COL14A1: variants seen among roughly 807,000 people sequenced by gnomAD.
COL14A1 encodes the protein collagen alpha-1(XIV) chain.
COL14A1 carries 136 observed loss-of-function variants against 230.3 expected under a neutral mutation model. The observed-to-expected ratio is 0.59, with a 90% CI of 0.51 to 0.68. COL14A1 has a LOEUF of 0.68. COL14A1 is among the 30% of genes least tolerant of loss of function. The pLI is 0.00. For synonymous variants in COL14A1, 792 were observed against 784.1 expected (o/e 1.01, Z -0.17); for missense variants, 1,976 against 2,215.8 (o/e 0.89, Z 2.17).
chr8:120,314,976 A>G (rs1821165498), intron 38 of COL14A1, among the ~76,000 whole-genome samples: 1 of 152,260 alleles, frequency 6.6e-6, no homozygotes, highest in Admixed American at 6.5e-5. Flanking sequence ...TGGCCTTGCC[A>G]TATTAGACTG....
rs1373904579 is a variant in COL14A1 at position 120,216,441 on chromosome 8, A to G, written c.1688A>G (p.Asn563Ser). ...TGGGACCCAACTTCAAGACAGATCA[A>G]TGGTTATCGAATTGTATATAACAAT... Reference protein sequence around the residue: ...LTWDPTSRQINGYRIVYNNAD... With the variant: ...LTWDPTSRQISGYRIVYNNAD... The change falls in exon 14 of 48, where the codon AAT becomes AGT. Residue 563 changes from asparagine to serine, a missense_variant. Asn to Ser is a conservative substitution (Grantham distance 46). Around this residue, in one of 3 missense-constraint regions of COL14A1, gnomAD observed 1,791 missense variants for 2,019.5 expected, o/e 0.89. Coordinates refer to ENST00000297848, the MANE Select transcript of COL14A1 (RefSeq NM_021110.4). 6.2e-7 allele frequency: 1 copy of G among 1,613,876 alleles called. No individual in the cohort carries two copies. The highest frequency in any genetic ancestry group is 8.5e-7 in the Non-Finnish European group (1 of 1,179,826).
chr8:120,209,681 T>A, intron 11 of COL14A1, 75 bp from the exon 12 acceptor site: 2 of 1,433,158 alleles, frequency 1.4e-6, no homozygotes, highest in African/African-American at 1.4e-5. Flanking sequence ...TGGTCAATCT[T>A]ATTTCTTGAT....
At chr8:120,167,541 G>A (rs1815947249) in intron 4 of COL14A1, among the ~76,000 whole-genome samples, 1 of 152,146 alleles carries the variant, frequency 6.6e-6, no homozygotes. Context: ...AATGGTGTAG[G>A]TTGATATGAA....
chr8:120,131,881 C>T (rs542114913), intron 1 of COL14A1, among the ~76,000 whole-genome samples: 1 of 107,814 alleles, frequency 9.3e-6, no homozygotes, highest in East Asian at 3.2e-4. Flanking sequence ...GAGTCTTGCT[C>T]TGTCACCAAG....
intron 40 of COL14A1, among the ~76,000 whole-genome samples, chr8:120,330,899 A>G (rs2130202482): frequency 6.6e-6 from 1 of 152,254 alleles, no homozygotes; most frequent in Admixed American, 6.5e-5. Context: ...TGAGGTTGGG[A>G]GTTCGAGACG....
intron 45 of COL14A1, among the ~76,000 whole-genome samples, chr8:120,348,678 A>G (rs1822627692): frequency 6.6e-6 from 1 of 152,174 alleles, no homozygotes; most frequent in South Asian, 2.1e-4. Flanking sequence ...ACCTATGGAA[A>G]AAAATTTTGT....
chr8:120,371,018 C>T (rs989012584), intron 47 of COL14A1, 134 bp from the exon 48 acceptor site: 18 of 1,022,776 alleles, frequency 1.8e-5, no homozygotes, highest in Middle Eastern at 2.3e-4. Context: ...GTACAAGGGG[C>T]GTGGTGGATT....
At chr8:120,275,227 A>G (rs150607076) in intron 26 of COL14A1, among the ~76,000 whole-genome samples, 125 of 152,152 alleles carry the variant, frequency 8.2e-4, no homozygotes, top group African/African-American at 2.4e-3. Context: ...AAAACATTCA[A>G]AAACATAAAT....
intron 4 of COL14A1, among the ~76,000 whole-genome samples, chr8:120,163,246 G>A (rs1180963367): frequency 2.0e-5 from 3 of 152,180 alleles, no homozygotes; most frequent in African/African-American, 7.2e-5. Context: ...AGTACATATA[G>A]GACTCTGTGA....
intron 22 of COL14A1, among the ~76,000 whole-genome samples, chr8:120,254,820 A>AT (rs1491223139): frequency 9.7e-6 from 1 of 103,380 alleles, no homozygotes; most frequent in East Asian, 4.6e-4. Context: ...CACTGCCTCT[A>AT]CAAAAAAAAA....
At chr8:120,232,928 T>C (rs1267707339) in intron 19 of COL14A1, among the ~76,000 whole-genome samples, 1 of 152,214 alleles carries the variant, frequency 6.6e-6, no homozygotes, top group Non-Finnish European at 1.5e-5. Context: ...CTAGCATCTG[T>C]TGTTTCCTGA....
At chr8:120,333,924 C>A (rs1445433528) in intron 42 of COL14A1, among the ~76,000 whole-genome samples, 1 of 152,178 alleles carries the variant, frequency 6.6e-6, no homozygotes, top group Non-Finnish European at 1.5e-5. Context: ...TACATTCAGG[C>A]CACTGGGATA....
rs111874684 is a variant in COL14A1 at position 120,187,168 on chromosome 8, A to G, written c.437-9623A>G. ...CTTTATCTAAAAATGCATTGTAAAC[A>G]TTTCATTATATAAACCATAATTGGG... is the stretch of plus-strand genomic sequence containing the variant. On this transcript the variant is annotated intron_variant, in intron 5 of 47. Transcript: ENST00000297848. Among the ~76,000 whole-genome samples the G allele has an allele frequency of 9.4e-3, 1,438 of 152,312 alleles. 27 individuals are homozygous for G. The highest frequency in any genetic ancestry group is 0.033 in the African/African-American group (1,384 of 41,560).
intron 31 of COL14A1, among the ~76,000 whole-genome samples, chr8:120,283,305 A>G (rs1297438084): frequency 6.6e-6 from 1 of 152,224 alleles, no homozygotes; most frequent in East Asian, 1.9e-4. Context: ...TGACACTACT[A>G]AAATGTTCAG....
chr8:120,275,032 C>A (rs1490804231), intron 26 of COL14A1, among the ~76,000 whole-genome samples: 1 of 151,670 alleles, frequency 6.6e-6, no homozygotes, highest in Non-Finnish European at 1.5e-5. Flanking sequence ...CCCAAATAGC[C>A]AAAGCACTCC....
chr8:120,334,422 A>T (rs575195883), intron 42 of COL14A1, among the ~76,000 whole-genome samples: 22 of 152,262 alleles, frequency 1.4e-4, no homozygotes, highest in African/African-American at 4.8e-4. Context: ...TTCTTTTTAT[A>T]TCAACCTAGT....
chr8:120,266,040 C>T (rs1024550076), intron 24 of COL14A1, among the ~76,000 whole-genome samples: 2 of 151,786 alleles, frequency 1.3e-5, no homozygotes, highest in African/African-American at 2.4e-5. Flanking sequence ...ACTGGGATAG[C>T]GAGAAGAATT....
In COL14A1 at chr8:120,160,792, A is replaced by G. The variant is rs150276465; in HGVS notation, c.206-1634A>G. ...GCCAGCCTTTCTGAAAGCATGTTCC[A>G]TGGTATTCTGTAGGATGCTAATAGC... is the stretch of plus-strand genomic sequence containing the variant. On this transcript the variant is annotated intron_variant, in intron 3 of 47. Transcript: ENST00000297848. Among the ~76,000 whole-genome samples, 10 of 152,318 alleles carry G rather than the reference A, an allele frequency of 6.6e-5. No homozygotes were observed. In the East Asian group the frequency reaches 1.9e-3, roughly 29 times the overall value.
chr8:120,307,612 A>G (rs1413261568), intron 36 of COL14A1, among the ~76,000 whole-genome samples: 1 of 152,238 alleles, frequency 6.6e-6, no homozygotes, highest in Non-Finnish European at 1.5e-5. Context: ...AGTAAAGTAT[A>G]TAAATAGACA....
Sources: allele counts gnomAD v4.1 joint callset (sites outside exome capture counted in the v4.1 genomes callset), GRCh38; gene constraint gnomAD v4.1.1; regional missense constraint gnomAD v4.1.1; transcripts MANE v1.5; gene names NCBI Gene and HGNC (gene_info 2026-07-23, HGNC 2026-07-21).